The following HERC1 variants were observed in gnomAD, a reference collection of about 807,000 sequenced individuals.
HERC1 encodes probable E3 ubiquitin-protein ligase HERC1.
In HERC1, 160 loss-of-function variants were observed where a neutral mutation model predicts 554.3. The ratio of observed to expected loss-of-function variants is 0.29; its 90% CI spans 0.25 to 0.33. The LOEUF is 0.33. Ranked by LOEUF, HERC1 falls within the 10% of genes least tolerant of loss-of-function variation. HERC1 has a pLI of 1.00. For synonymous variants in HERC1, 2,175 were observed against 2,131.7 expected, an observed-to-expected ratio of 1.02 and a Z score of -0.56; for missense variants, 4,919 against 5,918.5, an observed-to-expected ratio of 0.83 and a Z score of 5.54.
chr15:63,626,038 A>T lies in HERC1; in HGVS notation c.13222T>A (p.Ser4408Thr). 6 of 1,612,784 alleles carry T rather than the reference A, an allele frequency of 3.7e-6. No individual in the cohort carries two copies. Among genetic ancestry groups the T allele is most frequent in the Non-Finnish European group, 5.1e-6 (6 of 1,179,420 alleles). Residue 4408 changes from serine (S) to threonine (T), a missense_variant, in exon 71 of 78, where the codon TCT (serine) becomes ACT (threonine). Ser to Thr is a moderately conservative substitution (Grantham distance 58). Transcript: ENST00000443617. Reference protein sequence around the residue: ...RARLRLLYHFSDLMYSSWRLL... With the variant: ...RARLRLLYHFTDLMYSSWRLL... ...CTCCAGGATGAGTACATGAGGTCAGAGAAGTGGTAGAGCAGCCGGAGCCTG... is the reference window on the plus strand; with the variant it reads ...CTCCAGGATGAGTACATGAGGTCAGTGAAGTGGTAGAGCAGCCGGAGCCTG...
intron 7 of HERC1, among the ~76,000 whole-genome samples, chr15:63,754,089 G>A (rs781478956): frequency 2.0e-5 from 3 of 151,806 alleles, no homozygotes; most frequent in East Asian, 3.9e-4. Context: ...CAGGAGGATC[G>A]CTTGAGCCCA....
chr15:63,626,034 T>C lies in HERC1; in HGVS notation c.13226A>G (p.Asp4409Gly). The C allele has an allele frequency of 6.2e-7, 1 of 1,612,642 alleles. No individual in the cohort carries two copies. Among genetic ancestry groups the C allele is most frequent in the Non-Finnish European group, 8.5e-7 (1 of 1,179,364 alleles). The change falls in exon 71 of 78, where the codon GAC becomes GGC. Residue 4409 changes from aspartate (D) to glycine (G), a missense_variant. Around this residue, in one of 11 missense-constraint regions of HERC1, gnomAD observed 410 missense variants for 467.0 expected, o/e 0.88. Coordinates refer to ENST00000443617, the MANE Select transcript of HERC1 (RefSeq NM_003922.4). ...CAGTCTCCAGGATGAGTACATGAGG[T>C]CAGAGAAGTGGTAGAGCAGCCGGAG... ...ARLRLLYHFS[D>G]LMYSSWRLLN...
chr15:63,635,913 A>G (rs754502515), intron 65 of HERC1, 48 bp downstream of exon 65: 1 of 1,570,976 alleles, frequency 6.4e-7, no homozygotes, highest in East Asian at 2.2e-5. Flanking sequence ...CTATTCAACA[A>G]CTAGTATATT....
chr15:63,786,408 C>T (rs2076447626), intron 1 of HERC1, among the ~76,000 whole-genome samples: 1 of 151,910 alleles, frequency 6.6e-6, no homozygotes, highest in Non-Finnish European at 1.5e-5. Flanking sequence ...AGATCTATAC[C>T]CAAGTGAACT....
chr15:63,725,549 T>A, intron 17 of HERC1, 36 bp from the exon 18 acceptor site: 1 of 1,535,338 alleles, frequency 6.5e-7, no homozygotes, highest in Non-Finnish European at 9.0e-7. Context: ...TGTCTTTATC[T>A]GGTACTTTTA....
rs776622462 is a variant in HERC1 at position 63,752,944 on chromosome 15, T to A, written c.1902+14A>T. The A allele has an allele frequency of 1.2e-6, 2 of 1,611,214 alleles. No homozygotes were observed. Among genetic ancestry groups the A allele is most frequent in the South Asian group, 1.1e-5 (1 of 90,598 alleles). On this transcript the variant is annotated intron_variant, in intron 8 of 77. Transcript: ENST00000443617. ...AAATACTCTAAGTCTTTTATACTCA[T>A]CCCTTAGTCCTACCTGCCCTGTTGA...
At chr15:63,729,677 A>C in intron 14 of HERC1, 28 bp from the exon 15 acceptor site, 1 of 1,609,752 alleles carries the variant, frequency 6.2e-7, no homozygotes, top group Non-Finnish European at 8.5e-7. Flanking sequence ...GGAAGTTTAT[A>C]TTTGAAGTGC....
intron 74 of HERC1, among the ~76,000 whole-genome samples, chr15:63,619,072 C>G (rs997086595): frequency 7.9e-5 from 12 of 152,122 alleles, no homozygotes; most frequent in African/African-American, 2.9e-4. Flanking sequence ...CTCTCTTGTG[C>G]CAGTTTTCAA....
chr15:63,754,183 A>AG (rs925142619), intron 7 of HERC1, among the ~76,000 whole-genome samples: 2 of 152,106 alleles, frequency 1.3e-5, no homozygotes, highest in African/African-American at 4.8e-5. Context: ...CAAAAAAAAA[A>AG]AAACTATTAG....
At position 63,677,079 on chromosome 15, in the gene HERC1, A is replaced by C. The variant is rs1242928617; in HGVS notation, c.7070+766T>G. Among the ~76,000 whole-genome samples, 1 of 152,168 alleles carries C rather than the reference A, an allele frequency of 6.6e-6. No individual in the cohort carries two copies. The highest frequency in any genetic ancestry group is 2.1e-4 in the South Asian group (1 of 4,824). On this transcript the variant is annotated intron_variant, in intron 37 of 77. Transcript: ENST00000443617. This position sits in a 1 kb window ranked among gnomAD's most constrained non-coding sequence, Gnocchi z 4.4. ...GAGCATCCCAAATCCAAAAATCCCA[A>C]ATCTGAAATGCTCCAATGGGCAACT...
At chr15:63,764,222 A>C in intron 2 of HERC1, 31 bp from the exon 3 acceptor site, 2 of 1,457,980 alleles carry the variant, frequency 1.4e-6, no homozygotes, top group African/African-American at 1.4e-5. Flanking sequence ...GACACAGCGT[A>C]GGAAGGGGAG....
At chr15:63,831,860 G>C (rs748006919) in intron 1 of HERC1, among the ~76,000 whole-genome samples, 3 of 152,144 alleles carry the variant, frequency 2.0e-5, no homozygotes, top group Non-Finnish European at 4.4e-5. Context: ...ATTTACATTT[G>C]CTTTCTCTTC....
At chr15:63,719,220 T>C (rs1567048872) in intron 19 of HERC1, among the ~76,000 whole-genome samples, 1 of 152,326 alleles carries the variant, frequency 6.6e-6, no homozygotes, top group East Asian at 1.9e-4. Context: ...GAGTACTGTA[T>C]ATGTGGGATT....
At position 63,612,485 on chromosome 15, in the gene HERC1, T is replaced by C. The variant is rs766852363; in HGVS notation, c.14166A>G (p.Gln4722=). ...VPLLSLLTAK[Q]LEQMVCGMPE... ...GCATCCCACACACCATCTGCTCCAG[T>C]TGTTTTGCTGTGAGGAGGGACAGCA... The change falls in exon 77 of 78, where the codon CAA becomes CAG. Residue 4722 remains glutamine (Q), a synonymous_variant. Coordinates refer to ENST00000443617, the MANE Select transcript of HERC1 (RefSeq NM_003922.4). The surrounding 1 kb of genome is among the most constrained non-coding windows in gnomAD (Gnocchi z 5.0). The C allele has an allele frequency of 1.6e-5, 26 of 1,613,982 alleles. No homozygotes were observed. Among genetic ancestry groups the C allele is most frequent in the East Asian group, 2.2e-5 (1 of 44,894 alleles).
chr15:63,712,216 C>T (rs2073332964), intron 24 of HERC1, among the ~76,000 whole-genome samples: 1 of 152,130 alleles, frequency 6.6e-6, no homozygotes, highest in South Asian at 2.1e-4. Flanking sequence ...AGAGGTGAGG[C>T]AACCAGTTTG....
intron 70 of HERC1, 42 bp downstream of exon 70, chr15:63,628,635 A>G (rs199555951): frequency 1.7e-4 from 273 of 1,566,724 alleles, no homozygotes; most frequent in Non-Finnish European, 2.3e-4. Flanking sequence ...GGGTACTGCT[A>G]AAAAAGAAAC....
chr15:63,726,818 G>A (rs75902347), intron 17 of HERC1, among the ~76,000 whole-genome samples: 2,841 of 152,144 alleles, frequency 0.019, 83 homozygotes, highest in African/African-American at 0.065. Flanking sequence ...AAAGTTCCGC[G>A]TTCATGTTAT....
Position 63,638,698 on chromosome 15 carries a change from C to T in HERC1, c.11967+13G>A, listed in dbSNP as rs1467606448. 1 of 1,607,958 alleles carries T rather than the reference C, an allele frequency of 6.2e-7. No individual in the cohort carries two copies. Among genetic ancestry groups the T allele is most frequent in the African/African-American group, 1.3e-5 (1 of 74,904 alleles). On this transcript the variant is annotated intron_variant, in intron 62 of 77. Transcript: ENST00000443617. ...CTGAGAACCATCATACAGTTATCTTCATCTTTACTGACCTCAGGTCTGGAA... is the reference window on the plus strand; with the variant it reads ...CTGAGAACCATCATACAGTTATCTTTATCTTTACTGACCTCAGGTCTGGAA...
Position 63,649,919 on chromosome 15 carries a change from T to C in HERC1, c.10553A>G (p.Lys3518Arg), listed in dbSNP as rs2069580639. 4 of 1,600,118 alleles carry C rather than the reference T, an allele frequency of 2.5e-6. No individual in the cohort carries two copies. Among genetic ancestry groups the C allele is most frequent in the Non-Finnish European group, 3.4e-6 (4 of 1,172,756 alleles). The change falls in exon 54 of 78, where the codon AAA becomes AGA. Residue 3518 changes from lysine (K) to arginine (R), a missense_variant. By Grantham distance (26) the Lys-to-Arg change is conservative (BLOSUM62 2). Around this residue, in one of 11 missense-constraint regions of HERC1, gnomAD observed 1,963 missense variants for 2,228.6 expected, o/e 0.88. Transcript: ENST00000443617. Reference protein sequence around the residue: ...MVNIWQVNGGKGLVDIQPHWV... With the variant: ...MVNIWQVNGGRGLVDIQPHWV... ...ATGAGGCTGAATATCTACTAATCCT[T>C]TTCCTCCTAAAAGGGAAAAAATGTT...
Sources: gnomAD v4.1 joint callset for allele counts (sites outside exome capture counted in the v4.1 genomes callset) on GRCh38, gnomAD v4.1.1 for gene constraint, gnomAD v4.1.1 regional missense constraint, Gnocchi (gnomAD v3.1) non-coding constraint, MANE v1.5 for transcripts, NCBI Gene and HGNC (gene_info 2026-07-23, HGNC 2026-07-21) for gene names.